Variants in SULT1B1 observed in about 807,000 individuals in gnomAD.
SULT1B1 encodes sulfotransferase 1B1.
In SULT1B1, 28 loss-of-function variants were observed where a neutral mutation model predicts 34.6. The ratio of observed to expected loss-of-function variants is 0.81; its 90% confidence interval spans 0.60 to 1.11. SULT1B1 has a LOEUF of 1.11. Ranked by LOEUF, SULT1B1 falls within the 50% of genes least tolerant of loss-of-function variation. The pLI is 0.00. For synonymous variants in SULT1B1, 147 were observed against 110.2 expected (o/e 1.33, Z -2.09); for missense variants, 374 against 352.2 (o/e 1.06, Z -0.50).
At chr4:69,737,174 G>T (rs1299527732) in intron 4 of SULT1B1, among the ~76,000 whole-genome samples, 1 of 152,054 alleles carries the variant, frequency 6.6e-6, no homozygotes, top group Non-Finnish European at 1.5e-5. Context: ...AAACCATGAA[G>T]GCCAAAGGGA....
At chr4:69,743,417 A>T (rs1470337804) in intron 4 of SULT1B1, among the ~76,000 whole-genome samples, 1 of 152,118 alleles carries the variant, frequency 6.6e-6, no homozygotes, top group African/African-American at 2.4e-5. Flanking sequence ...GTGCAGTCCC[A>T]TTGGTCCATG....
At position 69,724,306 on chromosome 4, in the gene SULT1B1, A is replaced by G. The variant is rs1188898171; in HGVS notation, c.*2782T>C. On this transcript the variant is annotated 3_prime_UTR_variant, in exon 8 of 8. Transcript: ENST00000310613. ...AGAGAATAAAATACCTAGGAATCCA[A>G]CTTACAAGGGATGTGAAGGATCACT... 6.6e-6 allele frequency: 1 copy of G among 152,212 alleles called. No individual in the cohort carries two copies. The highest frequency in any genetic ancestry group is 2.4e-5 in the African/African-American group (1 of 41,448). 9.4% of individuals were successfully genotyped at this position (152,212 alleles called of 1,614,324 possible). A position where few individuals can be genotyped will look rare whatever the true frequency, so the allele number is the denominator to read the frequency against.
intron 4 of SULT1B1, among the ~76,000 whole-genome samples, chr4:69,734,619 G>A (rs1240359784): frequency 1.3e-5 from 2 of 151,860 alleles, no homozygotes; most frequent in Non-Finnish European, 2.9e-5. Flanking sequence ...GAGAATACCA[G>A]CAAATTGAAA....
In SULT1B1 at chr4:69,754,687, G is replaced by A. The variant is rs759471671; in HGVS notation, c.260C>T (p.Pro87Leu). Residue 87 changes from proline (P) to leucine (L), a missense_variant, in exon 3 of 8, where the codon CCT becomes CTT. Coordinates refer to ENST00000310613, the MANE Select transcript of SULT1B1 (RefSeq NM_014465.4). ...AAATTTACCTGATGTTCTTAATCCA[G>A]GGAGAGTCATTTCCAACATTGGAAC... ...EKVPMLEMTL[P>L]GLRTSGIEQL... 1 of 1,612,974 alleles carries A rather than the reference G, an allele frequency of 6.2e-7. No individual in the cohort carries two copies. The highest frequency in any genetic ancestry group is 1.7e-5 in the Admixed American group (1 of 59,942).
In SULT1B1 at chr4:69,724,630, G is replaced by A. The variant is rs1043507961; in HGVS notation, c.*2458C>T. 1 of 152,206 alleles carries A rather than the reference G, an allele frequency of 6.6e-6. No individual in the cohort carries two copies. Among genetic ancestry groups the A allele is most frequent in the East Asian group, 1.9e-4 (1 of 5,200 alleles). 9.4% of individuals were successfully genotyped at this position (152,206 alleles called of 1,614,324 possible). Reference sequence around the variant, plus strand: ...TACCTGACTTCAAACTATACTACAAGGCTACAGTAACCAAAACAGCATGGT... The same window carrying A: ...TACCTGACTTCAAACTATACTACAAAGCTACAGTAACCAAAACAGCATGGT... On this transcript the variant is annotated 3_prime_UTR_variant, in exon 8 of 8. Coordinates refer to ENST00000310613, the MANE Select transcript of SULT1B1 (RefSeq NM_014465.4).
At chr4:69,729,536 A>G (rs1717979397) in intron 7 of SULT1B1, among the ~76,000 whole-genome samples, 1 of 152,076 alleles carries the variant, frequency 6.6e-6, no homozygotes, top group African/African-American at 2.4e-5. Flanking sequence ...CTGCTTTCTT[A>G]CTCTAGAAGT....
intron 4 of SULT1B1, among the ~76,000 whole-genome samples, chr4:69,742,888 C>T (rs1053273327): frequency 6.6e-6 from 1 of 152,240 alleles, no homozygotes; most frequent in Admixed American, 6.5e-5. Context: ...GCCTCATGGC[C>T]TCAGCTCTCT....
At chr4:69,730,387 G>T (rs570977562) in intron 7 of SULT1B1, 114 bp downstream of exon 7, 5 of 872,690 alleles carry the variant, frequency 5.7e-6, no homozygotes, top group East Asian at 5.3e-5. Context: ...GTAGGTATTT[G>T]CTATAAAGCT....
intron 3 of SULT1B1, among the ~76,000 whole-genome samples, chr4:69,753,554 T>C: frequency 6.6e-6 from 1 of 152,180 alleles, no homozygotes; most frequent in Non-Finnish European, 1.5e-5. Flanking sequence ...TCCCACTTTT[T>C]CCTTCTTTCA....
chr4:69,754,540 T>C (rs1387665796), intron 3 of SULT1B1, 130 bp downstream of exon 3: 14 of 853,540 alleles, frequency 1.6e-5, no homozygotes, highest in Non-Finnish European at 2.3e-5. Flanking sequence ...TCTTCAGTTT[T>C]ATATTGTTTG....
At position 69,725,644 on chromosome 4, in the gene SULT1B1, G is replaced by T. The variant is rs1717804020; in HGVS notation, c.*1444C>A. 1 of 152,082 alleles carries T rather than the reference G, an allele frequency of 6.6e-6. No homozygotes were observed. The highest frequency in any genetic ancestry group is 2.4e-5 in the African/African-American group (1 of 41,400). 9.4% of individuals were successfully genotyped at this position (152,082 alleles called of 1,614,324 possible). ...CCCAAATGTCCATCAATGATAGACT[G>T]GATTAAGAAAATGTGGCACATATAC... is the stretch of plus-strand genomic sequence containing the variant. On this transcript the variant is annotated 3_prime_UTR_variant, in exon 8 of 8. Transcript: ENST00000310613.
chr4:69,749,950 G>A, intron 3 of SULT1B1, 132 bp from the exon 4 acceptor site: 2 of 633,584 alleles, frequency 3.2e-6, no homozygotes, highest in Non-Finnish European at 2.9e-6. Context: ...ACAATCACAG[G>A]CATTTCACCA....
chr4:69,734,115 A>T, intron 5 of SULT1B1, 23 bp downstream of exon 5: 1 of 1,544,062 alleles, frequency 6.5e-7, no homozygotes, highest in South Asian at 1.3e-5. Flanking sequence ...ATACTTATCA[A>T]TTTTAAGATA....
At chr4:69,732,376 C>T (rs1718116266) in intron 6 of SULT1B1, among the ~76,000 whole-genome samples, 1 of 152,044 alleles carries the variant, frequency 6.6e-6, no homozygotes, top group Non-Finnish European at 1.5e-5. Context: ...CACATGGGGC[C>T]AAATTTCTGT....
At chr4:69,742,951 C>T (rs1489728622) in intron 4 of SULT1B1, among the ~76,000 whole-genome samples, 7 of 152,284 alleles carry the variant, frequency 4.6e-5, no homozygotes, top group African/African-American at 1.7e-4. Flanking sequence ...CAGCTGATAC[C>T]GAGGAACACA....
At position 69,727,165 on chromosome 4, in the gene SULT1B1, C is replaced by G. The variant is rs952779389; in HGVS notation, c.814G>C (p.Ala272Pro). 7 of 1,611,150 alleles carry G rather than the reference C, an allele frequency of 4.3e-6. No homozygotes were observed. Among genetic ancestry groups the G allele is most frequent in the Non-Finnish European group, 5.1e-6 (6 of 1,178,518 alleles). ...ATAGCATCAAATTTCTCATTTTGGG[C>G]CACGGTGAAGTAATTCTTCCAGTCA... ...AGDWKNYFTVAQNEKFDAIYE... is the reference protein window; with the variant it reads ...AGDWKNYFTVPQNEKFDAIYE... Residue 272 changes from alanine to proline, a missense_variant, in exon 8 of 8, where the codon GCC (alanine) becomes CCC (proline). Coordinates refer to ENST00000310613, the MANE Select transcript of SULT1B1 (RefSeq NM_014465.4).
intron 4 of SULT1B1, among the ~76,000 whole-genome samples, chr4:69,739,947 C>T (rs1578055217): frequency 6.6e-6 from 1 of 152,216 alleles, no homozygotes; most frequent in East Asian, 1.9e-4. Flanking sequence ...CCACCTCAGC[C>T]TGGACTTCAT....
intron 4 of SULT1B1, among the ~76,000 whole-genome samples, chr4:69,749,508 T>C (rs1718887080): frequency 6.6e-6 from 1 of 152,164 alleles, no homozygotes; most frequent in African/African-American, 2.4e-5. Flanking sequence ...GAGGTTTGGA[T>C]TCTGTTGCTG....
intron 4 of SULT1B1, among the ~76,000 whole-genome samples, chr4:69,744,650 C>G (rs1304452809): frequency 6.6e-6 from 1 of 152,028 alleles, no homozygotes; most frequent in Admixed American, 6.6e-5. Context: ...AGTGGTATAT[C>G]TTATTTATTC....
Sources: allele counts gnomAD v4.1 joint callset (sites outside exome capture counted in the v4.1 genomes callset), GRCh38; gene constraint gnomAD v4.1.1; transcripts MANE v1.5; gene names NCBI Gene and HGNC (gene_info 2026-07-23, HGNC 2026-07-21).